Variants in TRAPPC9 observed in about 807,000 individuals in gnomAD.
TRAPPC9 encodes the protein IKK2 binding protein.
A neutral mutation model predicts 124.0 loss-of-function variants in TRAPPC9; 83 were observed. That is an observed-to-expected ratio of 0.67 (90% CI 0.56 to 0.80). The LOEUF (loss-of-function observed/expected upper bound fraction) is 0.80, where lower values mean the gene tolerates loss of function less well. Among genes scored for constraint, TRAPPC9 ranks in the 30% least tolerant of loss-of-function variants. The pLI is 0.00. For missense variants in TRAPPC9, 1,302 were observed against 1,508.3 expected, an observed-to-expected ratio of 0.86 and a Z score of 2.27; for synonymous variants, 638 against 617.5, an observed-to-expected ratio of 1.03 and a Z score of -0.49.
chr8:140,287,515 G>A (rs747047363), intron 13 of TRAPPC9, 93 bp downstream of exon 13: 30 of 1,526,300 alleles, frequency 2.0e-5, no homozygotes, highest in Admixed American at 8.4e-5. Flanking sequence ...GGTTAGGACT[G>A]GCATGACGGG....
In TRAPPC9 at chr8:139,970,434, G is replaced by A. The variant is rs574389953; in HGVS notation, c.2810+18292C>T. ...ATGGGCAGGAAGGAGAGGATCAAGG[G>A]GAGGGAGGGTACAAGGGAAGGCAGG... On this transcript the variant is annotated intron_variant, in intron 19 of 22. Coordinates refer to ENST00000438773, the MANE Select transcript of TRAPPC9 (RefSeq NM_001160372.4). Among the ~76,000 whole-genome samples the A allele has an allele frequency of 3.9e-5, 6 of 152,302 alleles. No individual in the cohort carries two copies. The South Asian group carries it at 1.2e-3, about 32-fold the overall frequency.
rs1373803310 is a variant in TRAPPC9 at position 140,370,981 on chromosome 8, G to C, written c.1334C>G (p.Pro445Arg). The C allele has an allele frequency of 6.2e-7, 1 of 1,614,058 alleles. No homozygotes were observed. Among genetic ancestry groups the C allele is most frequent in the African/African-American group, 1.3e-5 (1 of 74,946 alleles). ...TLPGYSLSLD[P>R]KDFSRGTHRG... ...TCCAGTACCTCTGCTGAAATCTTTG[G>C]GATCCAGCGACAGACTGTAGCCGGG... The change falls in exon 8 of 23, where the codon CCC becomes CGC. Residue 445 changes from proline to arginine, a missense_variant. This residue lies in a region of TRAPPC9 where 657 missense variants were observed against 811.2 expected (regional missense o/e 0.81). Transcript: ENST00000438773.
chr8:140,160,063 C>T (rs2061718951), intron 17 of TRAPPC9, among the ~76,000 whole-genome samples: 1 of 152,200 alleles, frequency 6.6e-6, no homozygotes, highest in South Asian at 2.1e-4. Context: ...CATCACTGCT[C>T]ATTAGAGAAA....
At chr8:139,914,737 T>A (rs1831998463) in intron 19 of TRAPPC9, 1 of 152,228 alleles carries the variant, frequency 6.6e-6, no homozygotes. Flanking sequence ...CAAGCTACTT[T>A]TCATAACAAC....
intron 3 of TRAPPC9, among the ~76,000 whole-genome samples, chr8:140,438,453 G>C (rs1401418873): frequency 6.6e-6 from 1 of 152,182 alleles, no homozygotes. Context: ...AAGAGGTGAA[G>C]ATCATGGGGA....
At chr8:140,423,322 C>A (rs1402537541) in intron 5 of TRAPPC9, among the ~76,000 whole-genome samples, 1 of 152,010 alleles carries the variant, frequency 6.6e-6, no homozygotes, top group Non-Finnish European at 1.5e-5. Context: ...CACCTGTAAT[C>A]CCAGCTATTT....
chr8:140,200,888 A>G (rs1270703650), intron 17 of TRAPPC9, among the ~76,000 whole-genome samples: 2 of 152,240 alleles, frequency 1.3e-5, no homozygotes, highest in Non-Finnish European at 2.9e-5. Flanking sequence ...AACACTGACA[A>G]TGGAGAAAAC....
At chr8:140,381,077 T>C (rs137988949) in intron 7 of TRAPPC9, among the ~76,000 whole-genome samples, 375 of 151,958 alleles carry the variant, frequency 2.5e-3, no homozygotes, top group African/African-American at 8.2e-3. Context: ...TGGTGGTGTA[T>C]GCCTGTAATC....
At chr8:140,162,816 C>G (rs1299351998) in intron 17 of TRAPPC9, among the ~76,000 whole-genome samples, 1 of 152,112 alleles carries the variant, frequency 6.6e-6, no homozygotes, top group Non-Finnish European at 1.5e-5. Flanking sequence ...GCTAAGACCT[C>G]ATCTCTACAA....
intron 9 of TRAPPC9, among the ~76,000 whole-genome samples, chr8:140,313,649 A>T (rs2131895591): frequency 6.6e-6 from 1 of 152,254 alleles, no homozygotes; most frequent in East Asian, 1.9e-4. Flanking sequence ...CTTACTCCCC[A>T]TGAGCGTAGC....
In TRAPPC9 at chr8:139,860,466, C is replaced by T. The variant is rs374122786; in HGVS notation, c.3055+25413G>A. Among the ~76,000 whole-genome samples, 5 of 152,322 alleles carry T rather than the reference C, an allele frequency of 3.3e-5. No individual in the cohort carries two copies. The East Asian group carries it at 7.7e-4, about 24-fold the overall frequency. On this transcript the variant is annotated intron_variant, in intron 21 of 22. Coordinates refer to ENST00000438773, the MANE Select transcript of TRAPPC9 (RefSeq NM_001160372.4). ...TGAATGGCTGTTTCCGGGATAGTCACCCCCAATGCCAGGATCTAGGCCTCT... is the reference window on the plus strand; with the variant it reads ...TGAATGGCTGTTTCCGGGATAGTCATCCCCAATGCCAGGATCTAGGCCTCT...
At chr8:140,383,269 A>G (rs939649251) in intron 7 of TRAPPC9, among the ~76,000 whole-genome samples, 7 of 152,248 alleles carry the variant, frequency 4.6e-5, no homozygotes, top group African/African-American at 1.7e-4. Context: ...TCCTCCTCCA[A>G]AGGAACACAG....
At chr8:140,380,360 C>T (rs1013271500) in intron 7 of TRAPPC9, among the ~76,000 whole-genome samples, 1 of 152,078 alleles carries the variant, frequency 6.6e-6, no homozygotes, top group African/African-American at 2.4e-5. Context: ...CATATGCAAA[C>T]AAATAAAGTT....
chr8:139,737,556 G>T (rs765900330), intron 21 of TRAPPC9, among the ~76,000 whole-genome samples: 1 of 139,866 alleles, frequency 7.1e-6, no homozygotes, highest in Admixed American at 8.7e-5. Flanking sequence ...GGCCCCCGTC[G>T]GGCTTCCTGC....
chr8:140,191,344 T>C (rs1457791672), intron 17 of TRAPPC9, among the ~76,000 whole-genome samples: 2 of 152,208 alleles, frequency 1.3e-5, no homozygotes, highest in East Asian at 3.9e-4. Context: ...TAAAGCCTCA[T>C]ATGGTTTGGA....
At chr8:140,165,786 C>A (rs563395706) in intron 17 of TRAPPC9, among the ~76,000 whole-genome samples, 21 of 152,098 alleles carry the variant, frequency 1.4e-4, no homozygotes, top group African/African-American at 4.8e-4. Context: ...ACCAAAGCAA[C>A]CTGCCCGGAG....
chr8:140,045,143 G>A (rs960289065), intron 17 of TRAPPC9, among the ~76,000 whole-genome samples: 1 of 152,178 alleles, frequency 6.6e-6, no homozygotes, highest in Non-Finnish European at 1.5e-5. Context: ...AAAGGAGAAG[G>A]AGGTGAGGAG....
intron 21 of TRAPPC9, among the ~76,000 whole-genome samples, chr8:139,771,043 G>A (rs902131430): frequency 6.6e-6 from 1 of 152,182 alleles, no homozygotes; most frequent in African/African-American, 2.4e-5. Flanking sequence ...CCAACATGCT[G>A]GAGACACTGA....
chr8:140,215,895 A>T (rs1033186840), intron 17 of TRAPPC9: 1 of 152,050 alleles, frequency 6.6e-6, no homozygotes, highest in Non-Finnish European at 1.5e-5. Flanking sequence ...TGCCCAGGCC[A>T]CTCGAGGAAA....
Sources: allele counts gnomAD v4.1 joint callset (sites outside exome capture counted in the v4.1 genomes callset), GRCh38; gene constraint gnomAD v4.1.1; regional missense constraint gnomAD v4.1.1; transcripts MANE v1.5; gene names NCBI Gene and HGNC (gene_info 2026-07-23, HGNC 2026-07-21).